Variants in KCNH8 observed in about 807,000 individuals in gnomAD.
KCNH8 encodes voltage-gated delayed rectifier potassium channel KCNH8.
In KCNH8, 70 loss-of-function variants were observed where a neutral mutation model predicts 103.6. The observed-to-expected ratio is 0.68, with a 90% CI of 0.56 to 0.82. The LOEUF (loss-of-function observed/expected upper bound fraction) is 0.82. Among genes scored for constraint, KCNH8 ranks in the 40% least tolerant of loss-of-function variants. The pLI is 0.00. For synonymous variants in KCNH8, 498 were observed against 489.4 expected, an observed-to-expected ratio of 1.02 and a Z score of -0.23; for missense variants, 1,217 against 1,329.9, an observed-to-expected ratio of 0.92 and a Z score of 1.32.
chr3:19,299,591 A>G (rs567942523), intron 3 of KCNH8, among the ~76,000 whole-genome samples: 3 of 152,306 alleles, frequency 2.0e-5, no homozygotes, highest in East Asian at 1.9e-4. Flanking sequence ...ACAAACCCCT[A>G]TGACACAGTT....
Position 19,273,491 on chromosome 3 carries a change from T to C in KCNH8, c.311-7707T>C, listed in dbSNP as rs562290886. Among the ~76,000 whole-genome samples, 204 of 152,252 alleles carry C rather than the reference T, an allele frequency of 1.3e-3. 1 individual carries two copies. The highest frequency in any genetic ancestry group is 4.6e-3 in the African/African-American group (191 of 41,572). Reference sequence around the variant, plus strand: ...ATAGAGCCATAAGTCAGACATTAATTGGGGCTTAGTTCTCTTTGCTATTTT... The same window carrying C: ...ATAGAGCCATAAGTCAGACATTAATCGGGGCTTAGTTCTCTTTGCTATTTT... On this transcript the variant is annotated intron_variant, in intron 2 of 15. Transcript: ENST00000328405.
At chr3:19,517,938 G>T in intron 14 of KCNH8, 60 bp from the exon 15 acceptor site, 1 of 1,354,812 alleles carries the variant, frequency 7.4e-7, no homozygotes. Context: ...TAATTGCCTC[G>T]ATCCTCAAAT....
intron 5 of KCNH8, among the ~76,000 whole-genome samples, chr3:19,385,063 A>G (rs565361382): frequency 3.3e-5 from 5 of 152,082 alleles, no homozygotes; most frequent in Admixed American, 1.3e-4. Flanking sequence ...AAGATATTCA[A>G]CCTGAGAACT....
chr3:19,501,495 A>G (rs2068582401), intron 11 of KCNH8, among the ~76,000 whole-genome samples: 1 of 152,216 alleles, frequency 6.6e-6, no homozygotes, highest in Non-Finnish European at 1.5e-5. Context: ...TTAGACCAAT[A>G]TCCCTGATTA....
chr3:19,417,530 G>T (rs1469524882), intron 7 of KCNH8, among the ~76,000 whole-genome samples: 1 of 151,736 alleles, frequency 6.6e-6, no homozygotes, highest in Non-Finnish European at 1.5e-5. Flanking sequence ...CCCACATAAA[G>T]ATTTCCCTTT....
intron 11 of KCNH8, among the ~76,000 whole-genome samples, chr3:19,466,882 A>C (rs915384973): frequency 5.9e-5 from 9 of 151,930 alleles, no homozygotes; most frequent in Admixed American, 5.2e-4. Flanking sequence ...GCTGGTCTCG[A>C]ACTCCCTACC....
chr3:19,445,502 C>T (rs2067350357), intron 8 of KCNH8, among the ~76,000 whole-genome samples: 1 of 151,528 alleles, frequency 6.6e-6, no homozygotes, highest in South Asian at 2.1e-4. Context: ...TTTAATTTTA[C>T]CTTGTAAAAT....
At chr3:19,442,972 G>A (rs2067304665) in intron 8 of KCNH8, among the ~76,000 whole-genome samples, 1 of 151,636 alleles carries the variant, frequency 6.6e-6, no homozygotes, top group Non-Finnish European at 1.5e-5. Context: ...TTAAATCCAG[G>A]ACTCACTAAG....
intron 5 of KCNH8, among the ~76,000 whole-genome samples, chr3:19,373,779 A>G (rs1391790872): frequency 1.3e-5 from 2 of 151,346 alleles, no homozygotes; most frequent in African/African-American, 4.9e-5. Flanking sequence ...CACTGCTTTG[A>G]ATGCGTCCCA....
chr3:19,434,680 G>A (rs890648778), intron 7 of KCNH8, among the ~76,000 whole-genome samples: 1 of 152,070 alleles, frequency 6.6e-6, no homozygotes, highest in Admixed American at 6.6e-5. Flanking sequence ...TGGAGAGGGG[G>A]GAAACAAATG....
At chr3:19,372,042 G>T (rs1197132140) in intron 5 of KCNH8, among the ~76,000 whole-genome samples, 4 of 152,178 alleles carry the variant, frequency 2.6e-5, no homozygotes, top group Non-Finnish European at 1.5e-5. Flanking sequence ...AAGTCAGATA[G>T]TGTGATGCCT....
At chr3:19,450,076 T>C (rs1298659864) in intron 8 of KCNH8, 30 bp from the exon 9 acceptor site, 3 of 1,588,058 alleles carry the variant, frequency 1.9e-6, no homozygotes, top group Non-Finnish European at 2.6e-6. Flanking sequence ...CACATTTCTC[T>C]TCCATTATAT....
At chr3:19,336,915 G>A (rs908199316) in intron 3 of KCNH8, among the ~76,000 whole-genome samples, 1 of 151,922 alleles carries the variant, frequency 6.6e-6, no homozygotes, top group Non-Finnish European at 1.5e-5. Context: ...ATGACAACTG[G>A]AGAGAGAGTA....
intron 3 of KCNH8, among the ~76,000 whole-genome samples, chr3:19,336,307 TAATATA>T (rs1486341389): frequency 6.6e-6 from 1 of 151,750 alleles, no homozygotes. Context: ...TAATTTCTCT[TAATATA>T]AAAAATTATA....
intron 1 of KCNH8, among the ~76,000 whole-genome samples, chr3:19,236,282 G>A (rs538705010): frequency 6.6e-6 from 1 of 152,306 alleles, no homozygotes; most frequent in South Asian, 2.1e-4. Flanking sequence ...CTTCCTCCGT[G>A]TGGGGGTGGG....
At chr3:19,438,596 T>A (rs2067234902) in intron 8 of KCNH8, among the ~76,000 whole-genome samples, 1 of 152,158 alleles carries the variant, frequency 6.6e-6, no homozygotes, top group Non-Finnish European at 1.5e-5. Context: ...TGGAGCAAGA[T>A]TAACACGTGG....
At chr3:19,503,737 A>G (rs1234922862) in intron 11 of KCNH8, among the ~76,000 whole-genome samples, 1 of 137,772 alleles carries the variant, frequency 7.3e-6, no homozygotes, top group African/African-American at 2.7e-5. Flanking sequence ...ATGAGAACAC[A>G]TGGACACAGG....
At chr3:19,266,558 A>G (rs1430175709) in intron 2 of KCNH8, among the ~76,000 whole-genome samples, 1 of 151,802 alleles carries the variant, frequency 6.6e-6, no homozygotes, top group Non-Finnish European at 1.5e-5. Context: ...CTCTTTATGC[A>G]TCTCTGTTTC....
chr3:19,315,446 A>G (rs1309915056), intron 3 of KCNH8, among the ~76,000 whole-genome samples: 1 of 151,982 alleles, frequency 6.6e-6, no homozygotes, highest in Non-Finnish European at 1.5e-5. Context: ...CAATGAACTG[A>G]GGGACTTTTT....
Sources: gnomAD v4.1 joint callset for allele counts (sites outside exome capture counted in the v4.1 genomes callset) on GRCh38, gnomAD v4.1.1 for gene constraint, MANE v1.5 for transcripts, NCBI Gene and HGNC (gene_info 2026-07-23, HGNC 2026-07-21) for gene names.